Variants in BRSK2 observed in about 807,000 individuals in gnomAD.
BRSK2 encodes the protein serine/threonine-protein kinase BRSK2.
BRSK2 carries 19 observed loss-of-function variants against 83.3 expected under a neutral mutation model. That is an observed-to-expected ratio of 0.23 (90% CI 0.16 to 0.33). The LOEUF (loss-of-function observed/expected upper bound fraction) is 0.33, where lower values mean the gene tolerates loss of function less well. Ranked by LOEUF, BRSK2 falls within the 10% of genes least tolerant of loss-of-function variation. The pLI is 1.00. For synonymous variants in BRSK2, 519 were observed against 435.4 expected (o/e 1.19, Z -2.39); for missense variants, 798 against 1,042.3 (o/e 0.77, Z 3.23).
chr11:1,392,315 G>A (rs758308994), intron 1 of BRSK2, among the ~76,000 whole-genome samples: 25 of 152,232 alleles, frequency 1.6e-4, no homozygotes, highest in Non-Finnish European at 2.6e-4. Context: ...ACCCGAGGAC[G>A]ATCTGATCCT....
In BRSK2 at chr11:1,460,614, T is replaced by A. The variant is rs1847353153; in HGVS notation, c.2102T>A (p.Leu701His). The A allele has an allele frequency of 6.5e-7, 1 of 1,531,008 alleles. No individual in the cohort carries two copies. Among genetic ancestry groups the A allele is most frequent in the East Asian group, 2.5e-5 (1 of 40,684 alleles). 94.8% of individuals were successfully genotyped at this position (1,531,008 alleles called of 1,614,324 possible). The stretch of plus-strand genomic sequence containing the variant: ...GCCAAGCGGAGTGCCCACGGCCCAC[T>A]CGGTGACTCCGCGGCCGCTGGCCCT... ...TPAKRSAHGP[L>H]GDSAAAGPGP... The change falls in exon 20 of 20, where the codon CTC becomes CAC. Residue 701 changes from leucine (L) to histidine (H), a missense_variant. By Grantham distance (99) the Leu-to-His change is moderately conservative (BLOSUM62 -3). Transcript: ENST00000528841.
intron 1 of BRSK2, among the ~76,000 whole-genome samples, chr11:1,433,344 C>G (rs117353427): frequency 0.024 from 3,639 of 152,366 alleles, 57 homozygotes; most frequent in Non-Finnish European, 0.033. Flanking sequence ...CTCATGATGC[C>G]CTGGGGCAGG....
chr11:1,442,444 C>A, intron 4 of BRSK2, 46 bp from the exon 5 acceptor site: 1 of 1,515,926 alleles, frequency 6.6e-7, no homozygotes, highest in South Asian at 1.1e-5. Flanking sequence ...GGGAGGCGCT[C>A]AAGGCAGAGA....
At chr11:1,459,097 C>A in intron 18 of BRSK2, 95 bp from the exon 19 acceptor site, 3 of 1,308,578 alleles carry the variant, frequency 2.3e-6, no homozygotes, top group South Asian at 1.2e-5. Flanking sequence ...CTCCTGGCTC[C>A]ACCCCCTCCC....
intron 3 of BRSK2, among the ~76,000 whole-genome samples, chr11:1,440,302 C>T (rs1590558123): frequency 6.6e-6 from 1 of 152,280 alleles, no homozygotes; most frequent in East Asian, 1.9e-4. Flanking sequence ...GCCCTCACAC[C>T]TCCTGTTCCC....
chr11:1,391,920 G>A (rs527462866), intron 1 of BRSK2, among the ~76,000 whole-genome samples: 1 of 152,196 alleles, frequency 6.6e-6, no homozygotes, highest in Non-Finnish European at 1.5e-5. Context: ...GCTGGCGGCA[G>A]TTAATTACGG....
intron 12 of BRSK2, among the ~76,000 whole-genome samples, chr11:1,446,327 G>A (rs1418917329): frequency 6.6e-6 from 1 of 151,094 alleles, no homozygotes. Flanking sequence ...ACTAGAATGG[G>A]CTGAGACGGA....
At chr11:1,455,542 GA>G (rs1846404178) in intron 16 of BRSK2, among the ~76,000 whole-genome samples, 1 of 152,056 alleles carries the variant, frequency 6.6e-6, no homozygotes, top group Admixed American at 6.5e-5. Context: ...ACGCTGTGGG[GA>G]CAGCTTGGAG....
Position 1,460,904 on chromosome 11 carries a change from T to C in BRSK2, c.*181T>C. ...TGGGCTGCGCCACCCGCGCCCGCTC[T>C]CTTTTCTCTCTGTCTCTGCCTCTGC... On this transcript the variant is annotated 3_prime_UTR_variant, in exon 20 of 20. Transcript: ENST00000528841. 1 of 1,610,120 alleles carries C rather than the reference T, an allele frequency of 6.2e-7. No homozygotes were observed. The highest frequency in any genetic ancestry group is 2.2e-5 in the East Asian group (1 of 44,804).
intron 12 of BRSK2, among the ~76,000 whole-genome samples, chr11:1,448,036 G>A (rs1238934804): frequency 6.6e-6 from 1 of 152,196 alleles, no homozygotes; most frequent in Non-Finnish European, 1.5e-5. Flanking sequence ...AGAGGCCGAG[G>A]AGGGGTGGGG....
chr11:1,422,496 G>C (rs1045273296), intron 1 of BRSK2, among the ~76,000 whole-genome samples: 2 of 152,176 alleles, frequency 1.3e-5, no homozygotes, highest in African/African-American at 4.8e-5. Context: ...GAGCTGTGGG[G>C]ACGGTGCAGA....
intron 19 of BRSK2, among the ~76,000 whole-genome samples, chr11:1,460,197 G>GC (rs1564894131): frequency 6.6e-6 from 1 of 152,112 alleles, no homozygotes; most frequent in Non-Finnish European, 1.5e-5. Flanking sequence ...TGGGTCCTGC[G>GC]CAACAGCTCG....
intron 1 of BRSK2, chr11:1,410,582 CG>C (rs1214892496): frequency 1.0e-6 from 1 of 985,326 alleles, no homozygotes; most frequent in Non-Finnish European, 1.2e-6. Flanking sequence ...CTCTGGTCCC[CG>C]GGAGTGGACT....
chr11:1,393,434 G>A (rs1029631597), intron 1 of BRSK2, among the ~76,000 whole-genome samples: 34 of 152,132 alleles, frequency 2.2e-4, no homozygotes, highest in Non-Finnish European at 2.2e-4. Context: ...GCCTGCCTTC[G>A]GGAATCCTCT....
At chr11:1,395,680 C>T (rs1379090274) in intron 1 of BRSK2, among the ~76,000 whole-genome samples, 1 of 152,202 alleles carries the variant, frequency 6.6e-6, no homozygotes, top group Non-Finnish European at 1.5e-5. Flanking sequence ...CTGGCAATGG[C>T]TGGAAAAGAC....
intron 1 of BRSK2, among the ~76,000 whole-genome samples, chr11:1,425,229 G>C (rs1014604298): frequency 1.8e-4 from 27 of 152,206 alleles, no homozygotes; most frequent in Admixed American, 7.2e-4. Context: ...TCGGCTTAAG[G>C]CCTCTCAGGT....
intron 1 of BRSK2, among the ~76,000 whole-genome samples, chr11:1,414,026 G>C (rs1847839131): frequency 6.6e-6 from 1 of 152,210 alleles, no homozygotes; most frequent in African/African-American, 2.4e-5. Context: ...GATCCCCAGG[G>C]ATATATAACT....
At chr11:1,392,278 C>T (rs1845775250) in intron 1 of BRSK2, among the ~76,000 whole-genome samples, 1 of 152,188 alleles carries the variant, frequency 6.6e-6, no homozygotes. Flanking sequence ...CGTGGGAGAA[C>T]GGGAGGCTGG....
At chr11:1,402,733 C>T (rs1212925759) in intron 1 of BRSK2, among the ~76,000 whole-genome samples, 1 of 152,192 alleles carries the variant, frequency 6.6e-6, no homozygotes, top group Non-Finnish European at 1.5e-5. Context: ...CACAGCCCCT[C>T]ACTCAGGGAC....
Sources: allele counts gnomAD v4.1 joint callset (sites outside exome capture counted in the v4.1 genomes callset), GRCh38; gene constraint gnomAD v4.1.1; transcripts MANE v1.5; gene names NCBI Gene and HGNC (gene_info 2026-07-23, HGNC 2026-07-21).